VEZT: variants seen among roughly 807,000 people sequenced by gnomAD.
VEZT encodes vezatin, adherens junctions transmembrane protein, also known as vezatin.
Under a neutral mutation model 79.9 loss-of-function variants are expected in VEZT, and 39 were observed. That is an observed-to-expected ratio of 0.49 (90% CI 0.38 to 0.64). VEZT has a LOEUF of 0.64. Ranked by LOEUF, VEZT falls within the 30% of genes least tolerant of loss-of-function variation. The pLI, the probability that VEZT is intolerant of heterozygous loss-of-function variation, is 0.00. For synonymous variants in VEZT, 325 were observed against 327.6 expected, an observed-to-expected ratio of 0.99 and a Z score of 0.09; for missense variants, 837 against 893.1, an observed-to-expected ratio of 0.94 and a Z score of 0.80.
At position 95,225,786 on chromosome 12, in the gene VEZT, AAAAAAAAG is replaced by A. The variant is rs1338768007; in HGVS notation, c.36+7902_36+7909del. 6.5e-4 allele frequency among the ~76,000 whole-genome samples: 53 copies of A among 81,630 alleles called. 1 individual carries two copies. The highest frequency in any genetic ancestry group is 2.1e-3 in the African/African-American group (36 of 17,542). The allele number at this position is 81,630 out of a possible 152,430, so 53.6% of individuals were successfully genotyped here. ...CAAAAAAAAAAAAAAAAAAAAAAAA[AAAAAAAAG>A]AGAGAGAAGGATGGAGGGAAGAGAA... On this transcript the variant is annotated intron_variant, in intron 1 of 11. Transcript: ENST00000436874.
intron 1 of VEZT, among the ~76,000 whole-genome samples, chr12:95,227,334 CTT>C (rs62891361): frequency 0.43 from 54,471 of 126,078 alleles, 11,098 homozygotes; most frequent in African/African-American, 0.5. Context: ...CTAATTTTTT[CTT>C]TTTTTTTTTT....
At chr12:95,292,847 C>CTTTTT in intron 9 of VEZT, among the ~76,000 whole-genome samples, 1 of 96,476 alleles carries the variant, frequency 1.0e-5, no homozygotes, top group Non-Finnish European at 1.9e-5. Flanking sequence ...GTACCTGGCC[C>CTTTTT]TTTTTTTTTT....
chr12:95,295,067 C>T (rs2073843908), intron 10 of VEZT, among the ~76,000 whole-genome samples: 1 of 152,154 alleles, frequency 6.6e-6, no homozygotes, highest in South Asian at 2.1e-4. Context: ...TTGCCCCTTG[C>T]TTCGTCAATG....
chr12:95,281,450 C>G (rs894379854), intron 7 of VEZT, among the ~76,000 whole-genome samples: 2 of 151,946 alleles, frequency 1.3e-5, no homozygotes, highest in Admixed American at 6.6e-5. Context: ...TGCACTCTAG[C>G]CTGGGCAACA....
At chr12:95,282,250 A>C (rs1409348202) in intron 7 of VEZT, 63 bp from the exon 8 acceptor site, 3 of 1,391,240 alleles carry the variant, frequency 2.2e-6, no homozygotes, top group Non-Finnish European at 2.9e-6. Context: ...ACAAATTTAT[A>C]GTTTGTTTTG....
chr12:95,226,484 T>C (rs1246497119), intron 1 of VEZT, among the ~76,000 whole-genome samples: 1 of 152,170 alleles, frequency 6.6e-6, no homozygotes, highest in Non-Finnish European at 1.5e-5. Flanking sequence ...TATTGAGACT[T>C]ACCTAGAGAA....
At position 95,254,451 on chromosome 12, in the gene VEZT, A is replaced by G. The variant is rs141265082; in HGVS notation, c.168+2380A>G. Reference sequence around the variant, plus strand: ...AACCTCCATCTCCCAGGTTCAAGCAATTCTCCTGCCTCAGCTTCCCAAGTA... The same window carrying G: ...AACCTCCATCTCCCAGGTTCAAGCAGTTCTCCTGCCTCAGCTTCCCAAGTA... On this transcript the variant is annotated intron_variant, in intron 2 of 11. Coordinates refer to ENST00000436874, the MANE Select transcript of VEZT (RefSeq NM_017599.4). 6.3e-3 allele frequency among the ~76,000 whole-genome samples: 932 copies of G among 148,192 alleles called. 12 individuals carry two copies. Among genetic ancestry groups the G allele is most frequent in the African/African-American group, 0.022 (861 of 39,922 alleles).
intron 10 of VEZT, 33 bp from the exon 11 acceptor site, chr12:95,296,018 A>G: frequency 6.9e-7 from 1 of 1,446,024 alleles, no homozygotes; most frequent in South Asian, 1.3e-5. Flanking sequence ...TGTTTGCTTC[A>G]AGTAAAGTGC....
intron 8 of VEZT, among the ~76,000 whole-genome samples, chr12:95,283,522 A>G (rs979617500): frequency 2.0e-5 from 3 of 152,254 alleles, no homozygotes; most frequent in Non-Finnish European, 4.4e-5. Flanking sequence ...TGGGGAAGGC[A>G]GTATTTGATT....
At chr12:95,217,917 G>A in intron 1 of VEZT, 31 bp downstream of exon 1, 1 of 1,479,472 alleles carries the variant, frequency 6.8e-7, no homozygotes, top group African/African-American at 1.5e-5. Context: ...GGTGTGGATT[G>A]CCTTTGTTTG....
intron 1 of VEZT, among the ~76,000 whole-genome samples, chr12:95,240,979 C>T (rs1239053467): frequency 6.6e-6 from 1 of 152,086 alleles, no homozygotes; most frequent in Non-Finnish European, 1.5e-5. Flanking sequence ...GATCTCTACA[C>T]ACTAGATACC....
At chr12:95,219,584 A>G (rs2057261036) in intron 1 of VEZT, among the ~76,000 whole-genome samples, 1 of 152,234 alleles carries the variant, frequency 6.6e-6, no homozygotes, top group South Asian at 2.1e-4. Context: ...ATCATAATAT[A>G]ACCTTTTTTT....
intron 1 of VEZT, among the ~76,000 whole-genome samples, chr12:95,239,984 A>AGAGGG (rs2060719645): frequency 8.0e-6 from 1 of 124,592 alleles, no homozygotes; most frequent in Admixed American, 8.0e-5. Context: ...GAGAGAGAGG[A>AGAGGG]GAGAGAGAGA....
At chr12:95,224,318 CTT>C (rs62851660) in intron 1 of VEZT, 139,830 of 404,956 alleles carry the variant, frequency 0.35, 13,666 homozygotes, top group African/African-American at 0.5. Flanking sequence ...AAAGCCACAA[CTT>C]TTTTTTTTTT....
intron 1 of VEZT, among the ~76,000 whole-genome samples, chr12:95,244,355 T>C (rs1239132635): frequency 6.6e-6 from 1 of 152,172 alleles, no homozygotes; most frequent in African/African-American, 2.4e-5. Context: ...CACCACTGCA[T>C]GGGTGACAGA....
chr12:95,273,475 G>A (rs760916772), intron 6 of VEZT, among the ~76,000 whole-genome samples: 1 of 152,184 alleles, frequency 6.6e-6, no homozygotes, highest in Non-Finnish European at 1.5e-5. Flanking sequence ...TTTGGATAGT[G>A]GAACTACATG....
Position 95,274,776 on chromosome 12 carries a change from A to G in VEZT, c.883A>G (p.Asn295Asp), listed in dbSNP as rs1423006292. 2 of 1,613,506 alleles carry G rather than the reference A, an allele frequency of 1.2e-6. No individual in the cohort carries two copies. The highest frequency in any genetic ancestry group is 1.7e-6 in the Non-Finnish European group (2 of 1,179,748). ...PLNSESDNVTNYICVVPFKEL... is the reference protein window; with the variant it reads ...PLNSESDNVTDYICVVPFKEL... ...GAACTCTGAGAGTGACAATGTAACC[A>G]ACTACATCTGTGTGGTGCCTTTTAA... Residue 295 changes from asparagine (N) to aspartate (D), a missense_variant, in exon 7 of 12, where the codon AAC becomes GAC. By Grantham distance (23) the Asn-to-Asp change is conservative. Coordinates refer to ENST00000436874, the MANE Select transcript of VEZT (RefSeq NM_017599.4).
intron 1 of VEZT, among the ~76,000 whole-genome samples, chr12:95,235,610 G>C (rs2059991541): frequency 6.8e-6 from 1 of 146,560 alleles, no homozygotes; most frequent in Non-Finnish European, 1.5e-5. Context: ...TTCCCAGTAG[G>C]GCCGGCCGGG....
chr12:95,220,606 T>C (rs1230998032), intron 1 of VEZT, among the ~76,000 whole-genome samples: 2 of 152,242 alleles, frequency 1.3e-5, no homozygotes, highest in Admixed American at 1.3e-4. Flanking sequence ...GTTTAGACAC[T>C]GTGCATTTCC....
Sources: gnomAD v4.1 joint callset for allele counts (sites outside exome capture counted in the v4.1 genomes callset) on GRCh38, gnomAD v4.1.1 for gene constraint, MANE v1.5 for transcripts, NCBI Gene and HGNC (gene_info 2026-07-23, HGNC 2026-07-21) for gene names.